LEO1: variants seen among roughly 807,000 people sequenced by gnomAD.
The protein encoded by LEO1 is RNA polymerase-associated protein LEO1.
A neutral mutation model predicts 80.4 loss-of-function variants in LEO1; 34 were observed. The ratio of observed to expected loss-of-function variants is 0.42; its 90% CI spans 0.32 to 0.56. LEO1 has a LOEUF of 0.56. Ranked by LOEUF, LEO1 falls within the 20% of genes least tolerant of loss-of-function variation. The probability of loss-of-function intolerance (pLI) is 0.10; values close to 1 mark genes in which losing one functional copy is unlikely to be tolerated. For missense variants in LEO1, 631 were observed against 814.2 expected, an observed-to-expected ratio of 0.77 and a Z score of 2.74; for synonymous variants, 262 against 274.9, an observed-to-expected ratio of 0.95 and a Z score of 0.46.
chr15:51,942,991 G>A (rs1045310731), intron 11 of LEO1, among the ~76,000 whole-genome samples: 13 of 149,610 alleles, frequency 8.7e-5, no homozygotes, highest in African/African-American at 1.5e-4. Flanking sequence ...AGTGGCTCAC[G>A]CCTGTAATCC....
At chr15:51,959,088 C>T (rs183446115) in intron 5 of LEO1, among the ~76,000 whole-genome samples, 1,632 of 151,832 alleles carry the variant, frequency 0.011, 44 homozygotes, top group Non-Finnish European at 9.2e-3. Flanking sequence ...CCACAACCTC[C>T]GCCTCCCAGG....
intron 1 of LEO1, among the ~76,000 whole-genome samples, chr15:51,971,384 C>G (rs1270602229): frequency 6.6e-6 from 1 of 152,234 alleles, no homozygotes; most frequent in Non-Finnish European, 1.5e-5. Flanking sequence ...GAACAGGACT[C>G]CAACGTTCCT....
chr15:51,944,626 G>T (rs960816660), intron 11 of LEO1, among the ~76,000 whole-genome samples: 1 of 152,162 alleles, frequency 6.6e-6, no homozygotes, highest in African/African-American at 2.4e-5. Flanking sequence ...CCTTATCTTA[G>T]AGAGTTTAGG....
At chr15:51,961,495 C>T (rs1218063097) in intron 3 of LEO1, among the ~76,000 whole-genome samples, 2 of 151,938 alleles carry the variant, frequency 1.3e-5, no homozygotes, top group Admixed American at 6.6e-5. Context: ...CGAGCACAAG[C>T]GATTCTCGTG....
rs183810871 is a variant in LEO1 at position 51,949,058 on chromosome 15, A to T, written c.1798+750T>A. 5.9e-5 allele frequency among the ~76,000 whole-genome samples: 9 copies of T among 152,314 alleles called. No homozygotes were observed. In the East Asian group the frequency reaches 1.7e-3, roughly 29 times the overall value. ...AATGTTGTTATGAGGATCAAACAGGATGCATGTCAAGTGTTGAGCATTTGC... is the reference window on the plus strand; with the variant it reads ...AATGTTGTTATGAGGATCAAACAGGTTGCATGTCAAGTGTTGAGCATTTGC... On this transcript the variant is annotated intron_variant, in intron 10 of 11. Transcript: ENST00000299601.
At chr15:51,949,100 G>T (rs1251134933) in intron 10 of LEO1, among the ~76,000 whole-genome samples, 1 of 152,146 alleles carries the variant, frequency 6.6e-6, no homozygotes, top group Non-Finnish European at 1.5e-5. Context: ...TTCAGTATGT[G>T]TGGAAAAAAC....
chr15:51,964,608 G>A (rs967997506), intron 2 of LEO1, among the ~76,000 whole-genome samples: 1 of 150,570 alleles, frequency 6.6e-6, no homozygotes, highest in Non-Finnish European at 1.5e-5. Flanking sequence ...CAGTCCCATA[G>A]TCTACACAGA....
rs751161557 is a variant in LEO1 at position 51,966,501 on chromosome 15, G to T, written c.62C>A (p.Ser21Tyr). The stretch of plus-strand genomic sequence containing the variant: ...AGAATCTGAGTCAGATCCAGAATCA[G>T]AATCTATGGGGTCATATAAACATAG... ...DADSEAERKD[S>Y]DSGSDSDSDQ... is the part of the protein sequence containing the mutation. The change falls in exon 2 of 12, where the codon TCT (serine) becomes TAT (tyrosine). Residue 21 changes from serine (S) to tyrosine (Y), a missense_variant. Around this residue, in one of 4 missense-constraint regions of LEO1, gnomAD observed 394 missense variants for 395.6 expected, o/e 1.00. Transcript: ENST00000299601. The T allele has an allele frequency of 1.9e-6, 3 of 1,552,256 alleles. No homozygotes were observed. The highest frequency in any genetic ancestry group is 1.1e-5 in the South Asian group (1 of 88,128).
At chr15:51,940,396 TA>T (rs2056840433) in intron 11 of LEO1, among the ~76,000 whole-genome samples, 1 of 145,822 alleles carries the variant, frequency 6.9e-6, no homozygotes, top group South Asian at 2.2e-4. Context: ...CCATCTCTAC[TA>T]AAACTACAAA....
In LEO1 at chr15:51,971,763, G is replaced by A. The variant is rs547221514; in HGVS notation, c.-18C>T. The A allele has an allele frequency of 1.9e-6, 3 of 1,613,872 alleles. No individual in the cohort carries two copies. The highest frequency in any genetic ancestry group is 1.1e-5 in the South Asian group (1 of 91,086). On this transcript the variant is annotated 5_prime_UTR_variant, in exon 1 of 12. Coordinates refer to ENST00000299601, the MANE Select transcript of LEO1 (RefSeq NM_138792.4). ...TCCGCCATTATCGCTCACGTCCGCT[G>A]CTGCCTCGGTTAGGGGCAGCTCCCG...
intron 6 of LEO1, chr15:51,955,069 TG>T (rs1228190266): frequency 6.5e-6 from 1 of 152,676 alleles, no homozygotes; most frequent in African/African-American, 2.4e-5. Context: ...TCTCAGTAGC[TG>T]GGATTACAGG....
At position 51,962,396 on chromosome 15, in the gene LEO1, C is replaced by T. The variant is rs1473444273; in HGVS notation, c.912G>A (p.Val304=). The T allele has an allele frequency of 7.5e-6, 12 of 1,603,510 alleles. No individual in the cohort carries two copies. In the African/African-American group the frequency reaches 9.4e-5, roughly 13 times the overall value. The change falls in exon 3 of 12, where the codon GTG becomes GTA. Residue 304 remains valine, a synonymous_variant. Coordinates refer to ENST00000299601, the MANE Select transcript of LEO1 (RefSeq NM_138792.4). ...SDSEADSDTE[V]PKDNSGTMDL... ...ATATAATAATAGGGATACCTTTTGGCACCTCAGTGTCACTATCCGCTTCTG... is the reference window on the plus strand; with the variant it reads ...ATATAATAATAGGGATACCTTTTGGTACCTCAGTGTCACTATCCGCTTCTG...
At chr15:51,969,922 T>C (rs2057109647) in intron 1 of LEO1, among the ~76,000 whole-genome samples, 1 of 151,500 alleles carries the variant, frequency 6.6e-6, no homozygotes. Context: ...GAGACACCAC[T>C]TGATAACATC....
At position 51,954,532 on chromosome 15, in the gene LEO1, CCTT is replaced by C; in HGVS notation, c.1286_1288del (p.Glu429del). ...AGCATTGCTTTCTTTAATTTCATTT[CCTT>C]CTTCATCTCGGCGTATCCTCCATCT... is the stretch of plus-strand genomic sequence containing the variant. On this transcript the variant is annotated inframe_deletion, in exon 7 of 12. Transcript: ENST00000299601. 3.7e-6 allele frequency: 6 copies of C among 1,613,710 alleles called. No individual in the cohort carries two copies. The highest frequency in any genetic ancestry group is 5.1e-6 in the Non-Finnish European group (6 of 1,179,700).
At position 51,953,273 on chromosome 15, in the gene LEO1, G is replaced by C; in HGVS notation, c.1341-10C>G. 4 of 1,611,544 alleles carry C rather than the reference G, an allele frequency of 2.5e-6. No homozygotes were observed. The highest frequency in any genetic ancestry group is 3.4e-6 in the Non-Finnish European group (4 of 1,179,114). On this transcript the variant is annotated splice_polypyrimidine_tract_variant and intron_variant, in intron 7 of 11. Transcript: ENST00000299601. ...TAAATGCAGGGACATGCTGGAAAGA[G>C]AAACATTTCATCTATTAAAGTCATA...
rs750300282 is a variant in LEO1, at chr15:51,966,336, CCACTAT to C, written c.221_226del (p.His74_Gly76delinsArg). 17 of 1,614,044 alleles carry C rather than the reference CCACTAT, an allele frequency of 1.1e-5. No individual in the cohort carries two copies. Among genetic ancestry groups the C allele is most frequent in the African/African-American group, 1.3e-5 (1 of 74,934 alleles). On this transcript the variant is annotated inframe_deletion, in exon 2 of 12. Coordinates refer to ENST00000299601, the MANE Select transcript of LEO1 (RefSeq NM_138792.4). Reference sequence around the variant, plus strand: ...TGATCTTTCAGAGTGATTATCACTACCACTATGATGTGAAGCTCCCTCGTCCTCACT... The same window carrying C: ...TGATCTTTCAGAGTGATTATCACTACGATGTGAAGCTCCCTCGTCCTCACT...
At chr15:51,947,119 G>A (rs1482165301) in intron 11 of LEO1, 173 bp downstream of exon 11, 2 of 626,048 alleles carry the variant, frequency 3.2e-6, no homozygotes, top group Non-Finnish European at 5.7e-6. Flanking sequence ...CTAAGCACAG[G>A]TATCAGATCC....
rs192984374 is a variant in LEO1, at chr15:51,945,142, C to T, written c.1896+2150G>A. Reference sequence around the variant, plus strand: ...AAAAAACCAAAATAAAACAGTCCATCGCAGTGGCTTATGCCTGTAATCCCA... The same window carrying T: ...AAAAAACCAAAATAAAACAGTCCATTGCAGTGGCTTATGCCTGTAATCCCA... On this transcript the variant is annotated intron_variant, in intron 11 of 11. Transcript: ENST00000299601. Among the ~76,000 whole-genome samples, 31 of 152,058 alleles carry T rather than the reference C, an allele frequency of 2.0e-4. No homozygotes were observed. In the East Asian group the frequency reaches 3.5e-3, roughly 17 times the overall value.
intron 11 of LEO1, among the ~76,000 whole-genome samples, chr15:51,941,720 T>C (rs527412869): frequency 2.0e-5 from 3 of 152,370 alleles, no homozygotes; most frequent in Admixed American, 2.0e-4. Flanking sequence ...AAAAGCTCTC[T>C]TTTACATTTT....
Sources: allele counts gnomAD v4.1 joint callset (sites outside exome capture counted in the v4.1 genomes callset), GRCh38; gene constraint gnomAD v4.1.1; regional missense constraint gnomAD v4.1.1; transcripts MANE v1.5; gene names NCBI Gene and HGNC (gene_info 2026-07-23, HGNC 2026-07-21).